Variants in LIMD1 observed in about 807,000 individuals in gnomAD.
LIMD1 encodes LIM domain containing 1.
LIMD1 carries 23 observed loss-of-function variants against 58.4 expected under a neutral mutation model. That is an observed-to-expected ratio of 0.39 (90% CI 0.28 to 0.56). The LOEUF (loss-of-function observed/expected upper bound fraction) is 0.56, where lower values mean the gene tolerates loss of function less well. LIMD1 is among the 20% of genes least tolerant of loss of function. The pLI is 0.57. For synonymous variants in LIMD1, 334 were observed against 345.5 expected (o/e 0.97, Z 0.37); for missense variants, 838 against 855.5 (o/e 0.98, Z 0.25).
Position 45,683,317 on chromosome 3 carries a change from G to C in LIMD1, c.*6258G>C, listed in dbSNP as rs2125673542. 6.6e-6 allele frequency: 1 copy of C among 152,254 alleles called. No individual in the cohort carries two copies. The allele number at this position is 152,254 out of a possible 1,614,324, so 9.4% of individuals were successfully genotyped here. On this transcript the variant is annotated 3_prime_UTR_variant, in exon 8 of 8. Transcript: ENST00000273317. ...AAGGCCAATTCAGGCTGACTTCCTAGAACTAAGTCAAAAGGAAAACCCCAA... is the reference window on the plus strand; with the variant it reads ...AAGGCCAATTCAGGCTGACTTCCTACAACTAAGTCAAAAGGAAAACCCCAA...
chr3:45,638,515 G>C (rs1701811203), intron 2 of LIMD1, among the ~76,000 whole-genome samples: 1 of 152,178 alleles, frequency 6.6e-6, no homozygotes, highest in African/African-American at 2.4e-5. Flanking sequence ...GTATTCCATG[G>C]TGTATATGTA....
rs1002899285 is a variant in LIMD1 at position 45,672,808 on chromosome 3, G to T, written c.1760G>T (p.Arg587Leu). Residue 587 changes from arginine (R) to leucine (L), a missense_variant, in exon 5 of 8, where the codon CGA (arginine) becomes CTA (leucine). By Grantham distance (102) the Arg-to-Leu change is moderately radical. Transcript: ENST00000273317. ...VDSENKIYCVRDYHKVLAPKC... is the reference protein window; with the variant it reads ...VDSENKIYCVLDYHKVLAPKC... ...TCAGAGAACAAGATCTACTGTGTCC[G>T]AGATTACCACAAGTAAGAAGGGATG... is the stretch of plus-strand genomic sequence containing the variant. 1.2e-6 allele frequency: 2 copies of T among 1,613,806 alleles called. No individual in the cohort carries two copies. Among genetic ancestry groups the T allele is most frequent in the Admixed American group, 3.3e-5 (2 of 60,010 alleles).
At chr3:45,607,856 A>G (rs1227192505) in intron 1 of LIMD1, among the ~76,000 whole-genome samples, 1 of 152,182 alleles carries the variant, frequency 6.6e-6, no homozygotes, top group Non-Finnish European at 1.5e-5. Flanking sequence ...CCTCCCTGTC[A>G]GCCGAGTTGA....
chr3:45,667,266 G>A (rs1697532635), intron 3 of LIMD1, among the ~76,000 whole-genome samples: 1 of 152,224 alleles, frequency 6.6e-6, no homozygotes, highest in Non-Finnish European at 1.5e-5. Flanking sequence ...AGGAATGCAA[G>A]GCTCTGATGG....
intron 3 of LIMD1, among the ~76,000 whole-genome samples, chr3:45,666,618 A>G (rs144675818): frequency 4.6e-5 from 7 of 152,004 alleles, no homozygotes; most frequent in Admixed American, 2.0e-4. Context: ...TGCACCCACA[A>G]TGGAGGAGCT....
chr3:45,647,724 C>G (rs1024992581), intron 2 of LIMD1, among the ~76,000 whole-genome samples: 1 of 152,214 alleles, frequency 6.6e-6, no homozygotes, highest in African/African-American at 2.4e-5. Flanking sequence ...TACTTTTTGC[C>G]TTAACATTGT....
Position 45,686,148 on chromosome 3 carries a change from T to C in LIMD1, c.*9089T>C, listed in dbSNP as rs1697805477. 1 of 152,206 alleles carries C rather than the reference T, an allele frequency of 6.6e-6. No individual in the cohort carries two copies. Among genetic ancestry groups the C allele is most frequent in the African/African-American group, 2.4e-5 (1 of 41,430 alleles). 9.4% of individuals were successfully genotyped at this position (152,206 alleles called of 1,614,324 possible). ...AGCCCCTGCACCTGGAACTGTTTAC[T>C]TTCCTGTAACCATTTATCCTTTTAA... is the stretch of plus-strand genomic sequence containing the variant. On this transcript the variant is annotated 3_prime_UTR_variant, in exon 8 of 8. Transcript: ENST00000273317.
In LIMD1 at chr3:45,647,076, A is replaced by T. The variant is rs537999722; in HGVS notation, c.1510+10825A>T. On this transcript the variant is annotated intron_variant, in intron 2 of 7. Transcript: ENST00000273317. ...ATGTAGTCACATTGTCAAAAAATGT[A>T]TATGGGAGAAGAAAATCACCTATAA... Among the ~76,000 whole-genome samples, 6 of 152,362 alleles carry T rather than the reference A, an allele frequency of 3.9e-5. No individual in the cohort carries two copies. The South Asian group carries it at 1.2e-3, about 32-fold the overall frequency.
At position 45,665,706 on chromosome 3, in the gene LIMD1, G is replaced by C. The variant is rs992094852; in HGVS notation, c.1567G>C (p.Glu523Gln). 1.2e-6 allele frequency: 2 copies of C among 1,613,966 alleles called. No individual in the cohort carries two copies. The highest frequency in any genetic ancestry group is 2.7e-5 in the African/African-American group (2 of 74,916). The change falls in exon 3 of 8, where the codon GAA becomes CAA. Residue 523 changes from glutamate to glutamine, a missense_variant. Around this residue, in one of 3 missense-constraint regions of LIMD1, gnomAD observed 174 missense variants for 197.4 expected, o/e 0.88. Coordinates refer to ENST00000273317, the MANE Select transcript of LIMD1 (RefSeq NM_014240.3). ...TGTCAACGGCAAAGTGTTTTGTGAAGAAGACTTCCTGGTGAGTGTGTCACC... is the reference window on the plus strand; with the variant it reads ...TGTCAACGGCAAAGTGTTTTGTGAACAAGACTTCCTGGTGAGTGTGTCACC... Reference protein sequence around the residue: ...YFVNGKVFCEEDFLYSGFQQS... With the variant: ...YFVNGKVFCEQDFLYSGFQQS...
At chr3:45,664,251 C>G (rs570016981) in intron 2 of LIMD1, among the ~76,000 whole-genome samples, 7 of 152,156 alleles carry the variant, frequency 4.6e-5, no homozygotes, top group Admixed American at 6.5e-5. Flanking sequence ...AGTGATCCTC[C>G]CGTGTCAGCC....
chr3:45,666,741 T>C (rs1038505701), intron 3 of LIMD1, among the ~76,000 whole-genome samples: 19 of 152,070 alleles, frequency 1.2e-4, no homozygotes, highest in Non-Finnish European at 2.6e-4. Flanking sequence ...GCTTCCAGGA[T>C]AGAAAGAACA....
intron 1 of LIMD1, chr3:45,632,503 G>A: frequency 1.0e-6 from 1 of 985,402 alleles, no homozygotes; most frequent in Non-Finnish European, 1.2e-6. Flanking sequence ...TTGGAATGAA[G>A]TGCTTGTGGG....
At chr3:45,618,327 C>T (rs1157506203) in intron 1 of LIMD1, among the ~76,000 whole-genome samples, 3 of 152,166 alleles carry the variant, frequency 2.0e-5, no homozygotes, top group Non-Finnish European at 4.4e-5. Context: ...AGCTTGGCAC[C>T]TGCTCAGGTC....
intron 1 of LIMD1, among the ~76,000 whole-genome samples, chr3:45,599,037 T>C (rs1249185070): frequency 1.3e-5 from 2 of 152,188 alleles, no homozygotes; most frequent in Admixed American, 1.3e-4. Flanking sequence ...CTGCTGGGAC[T>C]TGAACCTGAC....
At chr3:45,635,942 C>T in intron 1 of LIMD1, 1 of 985,158 alleles carries the variant, frequency 1.0e-6, no homozygotes, top group Non-Finnish European at 1.2e-6. Flanking sequence ...AAAGTGGGAC[C>T]TAAAGTCCAG....
In LIMD1 at chr3:45,636,262, GT is replaced by G; in HGVS notation, c.1510+12del. The G allele has an allele frequency of 6.3e-7, 1 of 1,587,256 alleles. No individual in the cohort carries two copies. ...CCTGTGCAGCTTGCAGTAAGTGTGGGTGTGGGTGTCGGGTGTGTGGGGGATG... is the reference window on the plus strand; with the variant it reads ...CCTGTGCAGCTTGCAGTAAGTGTGGGGTGGGTGTCGGGTGTGTGGGGGATG... On this transcript the variant is annotated intron_variant, in intron 2 of 7. Transcript: ENST00000273317.
chr3:45,596,764 G>T (rs932510729), intron 1 of LIMD1, among the ~76,000 whole-genome samples: 6 of 151,718 alleles, frequency 4.0e-5, no homozygotes, highest in Non-Finnish European at 8.8e-5. Flanking sequence ...CTTGACTGCC[G>T]TGTGTGTGTG....
In LIMD1 at chr3:45,673,501, C is replaced by T. The variant is rs767967993; in HGVS notation, c.1820C>T (p.Pro607Leu). Residue 607 changes from proline to leucine, a missense_variant, in exon 6 of 8, where the codon CCT becomes CTT. Pro to Leu is a moderately conservative substitution (Grantham distance 98). Coordinates refer to ENST00000273317, the MANE Select transcript of LIMD1 (RefSeq NM_014240.3). Reference sequence around the variant, plus strand: ...GCCTGTGGGCTTCCCATCCTTCCACCTGAGGTAAGATGCCCTTCCAGACAT... The same window carrying T: ...GCCTGTGGGCTTCCCATCCTTCCACTTGAGGTAAGATGCCCTTCCAGACAT... ...CAACGLPILP[P>L]EGSDETIRVV... 2 of 1,613,236 alleles carry T rather than the reference C, an allele frequency of 1.2e-6. No individual in the cohort carries two copies. Among genetic ancestry groups the T allele is most frequent in the South Asian group, 2.2e-5 (2 of 91,074 alleles).
At chr3:45,604,473 G>A (rs569378816) in intron 1 of LIMD1, among the ~76,000 whole-genome samples, 1 of 152,308 alleles carries the variant, frequency 6.6e-6, no homozygotes, top group African/African-American at 2.4e-5. Context: ...ATGCATACGT[G>A]TCAGGTCACA....
Sources: gnomAD v4.1 joint callset for allele counts (sites outside exome capture counted in the v4.1 genomes callset) on GRCh38, gnomAD v4.1.1 for gene constraint, gnomAD v4.1.1 regional missense constraint, MANE v1.5 for transcripts, NCBI Gene and HGNC (gene_info 2026-07-23, HGNC 2026-07-21) for gene names.